Variants in MAD1L1 observed in about 807,000 individuals in gnomAD.
MAD1L1 encodes the protein mitotic arrest deficient 1 like 1, also known as mitotic spindle assembly checkpoint protein MAD1.
In MAD1L1, 95 loss-of-function variants were observed where a neutral mutation model predicts 96.9. That is an observed-to-expected ratio of 0.98 (90% confidence interval 0.83 to 1.16). The LOEUF (loss-of-function observed/expected upper bound fraction) is 1.16. Ranked by LOEUF, MAD1L1 falls within the 50% of genes most tolerant of loss-of-function variation. The pLI is 0.00. For missense variants in MAD1L1, 1,007 were observed against 954.4 expected (o/e 1.06, Z -0.73); for synonymous variants, 473 against 396.6 (o/e 1.19, Z -2.29).
At chr7:2,185,014 A>C (rs1486648309) in intron 10 of MAD1L1, among the ~76,000 whole-genome samples, 1 of 152,166 alleles carries the variant, frequency 6.6e-6, no homozygotes, top group East Asian at 1.9e-4. Flanking sequence ...AAAAATAAAT[A>C]AATAATAAAA....
Position 2,103,259 on chromosome 7 carries a change from C to T in MAD1L1, c.1074-33921G>A, listed in dbSNP as rs958984407. Among the ~76,000 whole-genome samples, 11 of 152,150 alleles carry T rather than the reference C, an allele frequency of 7.2e-5. No homozygotes were observed. The highest frequency in any genetic ancestry group is 2.2e-4 in the African/African-American group (9 of 41,442). On this transcript the variant is annotated intron_variant, in intron 11 of 18. Coordinates refer to ENST00000265854, the MANE Select transcript of MAD1L1 (RefSeq NM_001013836.2). This position sits in a 1 kb window ranked among gnomAD's most constrained non-coding sequence, Gnocchi z 4.3. ...CCGTCCATCCGGCCACGCTGAGGGC[C>T]GGGTCGCAGCCCAAGCCATGGCTGC...
intron 12 of MAD1L1, among the ~76,000 whole-genome samples, chr7:2,037,475 G>A (rs1389586700): frequency 6.6e-6 from 1 of 152,192 alleles, no homozygotes; most frequent in Non-Finnish European, 1.5e-5. Context: ...TCCCTACACG[G>A]CTCTGTCACA....
chr7:2,122,327 C>T (rs1788018369), intron 11 of MAD1L1, among the ~76,000 whole-genome samples: 1 of 152,210 alleles, frequency 6.6e-6, no homozygotes, highest in Non-Finnish European at 1.5e-5. Flanking sequence ...ATAACTGTTA[C>T]TTAAAACAGC....
At chr7:2,128,284 A>G (rs1788334637) in intron 11 of MAD1L1, among the ~76,000 whole-genome samples, 1 of 152,130 alleles carries the variant, frequency 6.6e-6, no homozygotes, top group African/African-American at 2.4e-5. Context: ...GCCACCTCTC[A>G]TCTCCCAAAC....
chr7:2,212,416 G>A (rs1792994748), intron 10 of MAD1L1, among the ~76,000 whole-genome samples: 1 of 152,200 alleles, frequency 6.6e-6, no homozygotes, highest in Non-Finnish European at 1.5e-5. Flanking sequence ...CATGCCTCAT[G>A]TTGAATTGTA....
chr7:2,064,531 C>T (rs886969386), intron 12 of MAD1L1, among the ~76,000 whole-genome samples: 1 of 152,256 alleles, frequency 6.6e-6, no homozygotes, highest in African/African-American at 2.4e-5. Flanking sequence ...GCAGCTTCTC[C>T]GAAGAGGACA....
intron 10 of MAD1L1, among the ~76,000 whole-genome samples, chr7:2,156,220 CGTGTG>C (rs1789835168): frequency 1.7e-5 from 2 of 116,138 alleles, no homozygotes; most frequent in Admixed American, 8.4e-5. Flanking sequence ...TTTCACGGCG[CGTGTG>C]GCGAGGGGAG....
At chr7:1,912,930 G>A (rs988477453) in intron 17 of MAD1L1, among the ~76,000 whole-genome samples, 5 of 151,674 alleles carry the variant, frequency 3.3e-5, no homozygotes, top group Admixed American at 6.6e-5. Context: ...GGCTCCGGCC[G>A]CTTTGCATGC....
intron 10 of MAD1L1, among the ~76,000 whole-genome samples, chr7:2,197,166 G>A (rs997805972): frequency 6.6e-6 from 1 of 152,190 alleles, no homozygotes; most frequent in African/African-American, 2.4e-5. Flanking sequence ...GAACCAGCTG[G>A]AGCCACACAA....
intron 10 of MAD1L1, among the ~76,000 whole-genome samples, chr7:2,160,185 C>T (rs936370331): frequency 6.6e-6 from 1 of 151,108 alleles, no homozygotes; most frequent in South Asian, 2.1e-4. Flanking sequence ...GAGCTATGAT[C>T]GCGCACGGCA....
chr7:2,145,367 C>A (rs1490249577), intron 11 of MAD1L1, among the ~76,000 whole-genome samples: 3 of 152,206 alleles, frequency 2.0e-5, no homozygotes, highest in East Asian at 1.9e-4. Flanking sequence ...AAGCTTCTTG[C>A]CTCTACCAAC....
At chr7:2,176,739 C>A (rs1790966594) in intron 10 of MAD1L1, among the ~76,000 whole-genome samples, 1 of 152,122 alleles carries the variant, frequency 6.6e-6, no homozygotes, top group African/African-American at 2.4e-5. Context: ...GAGAATCCAG[C>A]AAAGTCACAG....
chr7:1,983,786 CTT>C (rs1384510298), intron 14 of MAD1L1, among the ~76,000 whole-genome samples: 1 of 152,212 alleles, frequency 6.6e-6, no homozygotes, highest in African/African-American at 2.4e-5. Flanking sequence ...GGTAATTAGT[CTT>C]GTTTCCTATT....
chr7:1,904,973 A>G (rs10264584), intron 17 of MAD1L1, among the ~76,000 whole-genome samples: 15,422 of 74,560 alleles, frequency 0.21, 6,149 homozygotes, highest in African/African-American at 0.48. Flanking sequence ...CAGCAAGGAC[A>G]CAGTGGCCTA....
chr7:1,871,032 T>C (rs1394359187), intron 18 of MAD1L1, among the ~76,000 whole-genome samples: 1 of 137,636 alleles, frequency 7.3e-6, no homozygotes, highest in Non-Finnish European at 1.5e-5. Flanking sequence ...GAACCTAACA[T>C]ACGCCTGCCA....
chr7:1,987,187 C>T (rs567414497), intron 14 of MAD1L1, among the ~76,000 whole-genome samples: 1 of 152,218 alleles, frequency 6.6e-6, no homozygotes, highest in East Asian at 1.9e-4. Flanking sequence ...CCTCTGTGAC[C>T]GCACCCTCTA....
intron 13 of MAD1L1, among the ~76,000 whole-genome samples, chr7:2,008,891 G>A (rs943193969): frequency 6.6e-6 from 1 of 152,236 alleles, no homozygotes; most frequent in Non-Finnish European, 1.5e-5. Context: ...GGTTCCCCAG[G>A]AGAGGCCAAG....
intron 16 of MAD1L1, among the ~76,000 whole-genome samples, chr7:1,938,557 A>C (rs1778734095): frequency 6.6e-6 from 1 of 152,050 alleles, no homozygotes; most frequent in African/African-American, 2.4e-5. Flanking sequence ...CGAAGAAGTC[A>C]GAAATAACCA....
intron 12 of MAD1L1, among the ~76,000 whole-genome samples, chr7:2,054,008 G>C (rs906006474): frequency 6.6e-6 from 1 of 152,236 alleles, no homozygotes; most frequent in Non-Finnish European, 1.5e-5. Context: ...AGGCAGGGCG[G>C]GAGGGGTCAG....
Sources: gnomAD v4.1 joint callset for allele counts (sites outside exome capture counted in the v4.1 genomes callset) on GRCh38, gnomAD v4.1.1 for gene constraint, Gnocchi (gnomAD v3.1) non-coding constraint, MANE v1.5 for transcripts, NCBI Gene and HGNC (gene_info 2026-07-23, HGNC 2026-07-21) for gene names.